GGACT: variants seen among roughly 807,000 people sequenced by gnomAD.
The protein encoded by GGACT is gamma-glutamylamine cyclotransferase.
For missense variants in GGACT, 241 were observed against 233.2 expected (o/e 1.03, Z -0.22); for synonymous variants, 118 against 115.3 (o/e 1.02, Z -0.15).
intron 2 of GGACT, among the ~76,000 whole-genome samples, chr13:100,564,031 G>A (rs1358518154): frequency 6.6e-6 from 1 of 152,202 alleles, no homozygotes; most frequent in Non-Finnish European, 1.5e-5. Flanking sequence ...CCCTGGGCTG[G>A]ACCTGCGGCT....
At chr13:100,546,340 C>T (rs112305118) in intron 2 of GGACT, among the ~76,000 whole-genome samples, 6,465 of 126,072 alleles carry the variant, frequency 0.051, 159 homozygotes, top group Middle Eastern at 0.09. Flanking sequence ...CCAGCCTGGG[C>T]GACAGGGCAA....
At chr13:100,544,409 C>T (rs1034789629) in intron 2 of GGACT, among the ~76,000 whole-genome samples, 12 of 152,232 alleles carry the variant, frequency 7.9e-5, no homozygotes, top group Non-Finnish European at 1.5e-4. Context: ...TTGATGCTTT[C>T]GTTTTGTCGC....
rs1375150091 is a variant in GGACT, at chr13:100,531,884, C to A, written c.*246G>T. The A allele has an allele frequency of 2.4e-6, 1 of 410,818 alleles. No homozygotes were observed. The highest frequency in any genetic ancestry group is 2.1e-5 in the African/African-American group (1 of 48,740). The allele number at this position is 410,818 out of a possible 1,614,324, so 25.4% of individuals were successfully genotyped here. ...AGAAGAATTAGGCATAACACGAGTT[C>A]TCTAAATGTCATTTAGGGGAGTTAA... is the stretch of plus-strand genomic sequence containing the variant. On this transcript the variant is annotated 3_prime_UTR_variant, in exon 3 of 3. Transcript: ENST00000683975.
chr13:100,550,367 C>T lies in GGACT; in HGVS notation c.-10-17766G>A, dbSNP rs777989133. ...ACACACACACACACCACTGGCCCTT[C>T]TAAGGAAACTGGATGCGCTGAATGA... On this transcript the variant is annotated intron_variant, in intron 2 of 2. Transcript: ENST00000683975. Among the ~76,000 whole-genome samples the T allele has an allele frequency of 2.1e-4, 28 of 131,086 alleles. 1 individual carries two copies. Among genetic ancestry groups the T allele is most frequent in the Non-Finnish European group, 3.3e-4 (21 of 64,540 alleles). 86.0% of individuals were successfully genotyped at this position (131,086 alleles called of 152,430 possible). A position where few individuals can be genotyped will look rare whatever the true frequency, so the allele number is the denominator to read the frequency against.
chr13:100,533,125 G>T lies in GGACT; in HGVS notation c.-10-524C>A, dbSNP rs139600037. On this transcript the variant is annotated intron_variant, in intron 2 of 2. Transcript: ENST00000683975. ...GACCTGCTGACTGCGCAGCCTCCCC[G>T]ACTCCCTGAGGGCACCAGCCTTCCA... Among the ~76,000 whole-genome samples, 236 of 152,308 alleles carry T rather than the reference G, an allele frequency of 1.5e-3. 2 individuals carry two copies. Among genetic ancestry groups the T allele is most frequent in the African/African-American group, 5.4e-3 (224 of 41,562 alleles).
At chr13:100,533,713 C>T (rs1014119597) in intron 2 of GGACT, 2 of 152,262 alleles carry the variant, frequency 1.3e-5, no homozygotes, top group Non-Finnish European at 2.9e-5. Flanking sequence ...GGACTCCCCG[C>T]AGCGATCTTG....
At position 100,534,550 on chromosome 13, in the gene GGACT, G is replaced by A. The variant is rs1020708360; in HGVS notation, c.-10-1949C>T. On this transcript the variant is annotated intron_variant, in intron 2 of 2. Transcript: ENST00000683975. The surrounding 1 kb of genome is among the most constrained non-coding windows in gnomAD (Gnocchi z 4.9). The stretch of plus-strand genomic sequence containing the variant: ...CTGGAGAGGGCACTGGATGGAAGCA[G>A]CTGTCTACAACAGCGGGCAAGGAGC... Among the ~76,000 whole-genome samples the A allele has an allele frequency of 6.6e-6, 1 of 152,172 alleles. No homozygotes were observed. Among genetic ancestry groups the A allele is most frequent in the African/African-American group, 2.4e-5 (1 of 41,428 alleles).
rs377460144 is a variant in GGACT at position 100,532,196 on chromosome 13, C to T, written c.396G>A (p.Pro132=). ...ATFPPEWAQL[P]HHDSYDSEGP... ...CCTCGGAGTCGTAGCTGTCATGGTG[C>T]GGGAGCTGGGCCCACTCCGGCGGGA... Residue 132 remains proline, a synonymous_variant, in exon 3 of 3, where the codon CCG becomes CCA. Transcript: ENST00000683975. 22 of 1,476,074 alleles carry T rather than the reference C, an allele frequency of 1.5e-5. No individual in the cohort carries two copies. Among genetic ancestry groups the T allele is most frequent in the African/African-American group, 2.8e-5 (2 of 71,182 alleles). 91.4% of individuals were successfully genotyped at this position (1,476,074 alleles called of 1,614,324 possible).
At chr13:100,573,069 A>G (rs1566538300) in intron 2 of GGACT, among the ~76,000 whole-genome samples, 1 of 152,214 alleles carries the variant, frequency 6.6e-6, no homozygotes, top group Non-Finnish European at 1.5e-5. Flanking sequence ...CAATCCAACT[A>G]AAAGATTTTT....
intron 1 of GGACT, among the ~76,000 whole-genome samples, chr13:100,584,235 A>C (rs1348990673): frequency 6.6e-6 from 1 of 152,232 alleles, no homozygotes; most frequent in Non-Finnish European, 1.5e-5. Flanking sequence ...GAAAGGGTTC[A>C]AAGTTCTCAA....
At chr13:100,559,436 C>CT (rs1427227323) in intron 2 of GGACT, among the ~76,000 whole-genome samples, 20 of 152,160 alleles carry the variant, frequency 1.3e-4, no homozygotes, top group Admixed American at 1.3e-3. Context: ...ATCTACCCCC[C>CT]TCGGCCTCCC....
At chr13:100,577,986 G>A (rs1042193772) in intron 2 of GGACT, among the ~76,000 whole-genome samples, 1 of 152,244 alleles carries the variant, frequency 6.6e-6, no homozygotes, top group Non-Finnish European at 1.5e-5. Context: ...TCTTCACCAG[G>A]GGTTCGTTAT....
chr13:100,541,976 T>C (rs2088558638), intron 2 of GGACT, among the ~76,000 whole-genome samples: 1 of 152,218 alleles, frequency 6.6e-6, no homozygotes, highest in Non-Finnish European at 1.5e-5. Context: ...TTCTGGCTTC[T>C]GTCATAAGAA....
At chr13:100,566,148 A>G (rs1441207392) in intron 2 of GGACT, among the ~76,000 whole-genome samples, 1 of 152,244 alleles carries the variant, frequency 6.6e-6, no homozygotes, top group Non-Finnish European at 1.5e-5. Flanking sequence ...ACCTGAGTGC[A>G]GCCTGTGACA....
intron 2 of GGACT, chr13:100,539,725 T>G: frequency 1.6e-6 from 1 of 609,204 alleles, no homozygotes; most frequent in Non-Finnish European, 2.9e-6. Flanking sequence ...ATGTTCCTTC[T>G]TCTTCATTCT....
At chr13:100,577,503 A>AT (rs1247179553) in intron 2 of GGACT, among the ~76,000 whole-genome samples, 2 of 151,882 alleles carry the variant, frequency 1.3e-5, no homozygotes, top group African/African-American at 2.4e-5. Flanking sequence ...GTTAAGGAAT[A>AT]TTTTTTCATT....
chr13:100,562,268 A>G (rs9585460), intron 2 of GGACT, among the ~76,000 whole-genome samples: 62,267 of 152,048 alleles, frequency 0.41, 13,313 homozygotes, highest in Non-Finnish European at 0.47. Flanking sequence ...AAGCTCGGTG[A>G]AGGGCTAAGA....
intron 2 of GGACT, among the ~76,000 whole-genome samples, chr13:100,566,352 G>T (rs866074656): frequency 6.6e-6 from 1 of 152,248 alleles, no homozygotes; most frequent in Admixed American, 6.5e-5. Context: ...GCCTCACACT[G>T]CCTGTGGTAC....
At chr13:100,533,111 T>A (rs2088439677) in intron 2 of GGACT, among the ~76,000 whole-genome samples, 1 of 152,230 alleles carries the variant, frequency 6.6e-6, no homozygotes, top group South Asian at 2.1e-4. Flanking sequence ...ACCTGCTGAC[T>A]GCGCAGCCTC....
Sources: allele counts gnomAD v4.1 joint callset (sites outside exome capture counted in the v4.1 genomes callset), GRCh38; gene constraint gnomAD v4.1.1; non-coding constraint Gnocchi (gnomAD v3.1); transcripts MANE v1.5; gene names NCBI Gene and HGNC (gene_info 2026-07-23, HGNC 2026-07-21).